ADGRD1: variants seen among roughly 807,000 people sequenced by gnomAD.
The protein encoded by ADGRD1 is adhesion G protein-coupled receptor D1, also known as G-protein coupled receptor 133.
ADGRD1 carries 77 observed loss-of-function variants against 113.4 expected under a neutral mutation model. That is an observed-to-expected ratio of 0.68 (90% CI 0.57 to 0.82). The LOEUF (loss-of-function observed/expected upper bound fraction) is 0.82, where lower values mean the gene tolerates loss of function less well. ADGRD1 is among the 40% of genes least tolerant of loss of function. ADGRD1 has a pLI of 0.00. For missense variants in ADGRD1, 1,036 were observed against 1,139.1 expected, an observed-to-expected ratio of 0.91 and a Z score of 1.30; for synonymous variants, 474 against 475.0, an observed-to-expected ratio of 1.00 and a Z score of 0.03.
intron 8 of ADGRD1, among the ~76,000 whole-genome samples, chr12:130,992,960 G>A (rs1874628695): frequency 6.6e-6 from 1 of 152,198 alleles, no homozygotes; most frequent in African/African-American, 2.4e-5. Flanking sequence ...GCTTATCTTG[G>A]TGGATGCGAA....
At chr12:131,076,953 T>A (rs1885670569) in intron 14 of ADGRD1, 79 bp downstream of exon 14, 2 of 1,141,654 alleles carry the variant, frequency 1.8e-6, no homozygotes, top group African/African-American at 3.1e-5. Flanking sequence ...CAGGGGAGGA[T>A]CTGGGTCACC....
At chr12:131,079,782 G>A (rs893446376) in intron 14 of ADGRD1, among the ~76,000 whole-genome samples, 4 of 152,230 alleles carry the variant, frequency 2.6e-5, no homozygotes, top group South Asian at 2.1e-4. Context: ...GTGGTATTCC[G>A]TTGTTAGCCT....
In ADGRD1 at chr12:131,014,339, T is replaced by C. The variant is rs759576084; in HGVS notation, c.1472T>C (p.Leu491Ser). 6.8e-6 allele frequency: 11 copies of C among 1,611,852 alleles called. No individual in the cohort carries two copies. Residue 491 changes from leucine to serine, a missense_variant and splice_region_variant, in exon 13 of 25, where the codon TTG becomes TCG. Leu to Ser is a moderately radical substitution (Grantham distance 145). Coordinates refer to ENST00000261654, the MANE Select transcript of ADGRD1 (RefSeq NM_198827.5). ...PLITVHLKHRLTRKQHSEATN... is the reference protein window; with the variant it reads ...PLITVHLKHRSTRKQHSEATN... Reference sequence around the variant, plus strand: ...ATTACGGTCCACCTCAAGCACAGATTGGTGAGTGGCGGTGCCTTCACCCTT... The same window carrying C: ...ATTACGGTCCACCTCAAGCACAGATCGGTGAGTGGCGGTGCCTTCACCCTT...
intron 12 of ADGRD1, among the ~76,000 whole-genome samples, chr12:131,013,881 C>T (rs1878230431): frequency 6.6e-6 from 1 of 152,240 alleles, no homozygotes; most frequent in Non-Finnish European, 1.5e-5. Context: ...GGCCATCTTA[C>T]TTTTCTTATA....
At chr12:131,137,243 AT>A in intron 23 of ADGRD1, 1 of 600,292 alleles carries the variant, frequency 1.7e-6, no homozygotes. Context: ...TCCCTGGAGA[AT>A]TGGCGACTGC....
intron 8 of ADGRD1, 55 bp downstream of exon 8, chr12:130,992,447 A>AC: frequency 7.0e-7 from 1 of 1,433,600 alleles, no homozygotes; most frequent in Non-Finnish European, 9.6e-7. Context: ...CCTTACCGGG[A>AC]CCATAGATGT....
chr12:131,037,111 GGCACCGGGCCTCACTCACT>G (rs1257856969), intron 13 of ADGRD1, among the ~76,000 whole-genome samples: 10 of 48,384 alleles, frequency 2.1e-4, no homozygotes, highest in African/African-American at 3.4e-4. Context: ...CCTCACTCAC[GGCACCGGGCCTCACTCACT>G]GCACCGGGCC....
At chr12:130,986,366 TGTATTGTTATAA>T (rs1873678703) in intron 5 of ADGRD1, among the ~76,000 whole-genome samples, 3 of 152,198 alleles carry the variant, frequency 2.0e-5, no homozygotes, top group Non-Finnish European at 4.4e-5. Flanking sequence ...AGCTTATAAA[TGTATTGTTATAA>T]TATATGTATT....
Position 130,982,032 on chromosome 12 carries a change from C to G in ADGRD1, c.459C>G (p.Ser153=), listed in dbSNP as rs148700248. 221 of 1,613,838 alleles carry G rather than the reference C, an allele frequency of 1.4e-4. No individual in the cohort carries two copies. Among genetic ancestry groups the G allele is most frequent in the Middle Eastern group, 9.9e-4 (6 of 6,042 alleles). The part of the protein sequence containing the change: ...GSVELYTRDN[S]MTWEASFSPP... ...TGGAGCTGTATACGCGGGACAATTC[C>G]ATGACATGGGAGGCCTCCTTCAGCC... The change falls in exon 5 of 25, where the codon TCC becomes TCG. Residue 153 remains serine (S), a synonymous_variant. Coordinates refer to ENST00000261654, the MANE Select transcript of ADGRD1 (RefSeq NM_198827.5).
chr12:130,992,046 G>A (rs894032528), intron 7 of ADGRD1, among the ~76,000 whole-genome samples, 191 bp from the exon 8 acceptor site: 1 of 151,376 alleles, frequency 6.6e-6, no homozygotes, highest in Non-Finnish European at 1.5e-5. Flanking sequence ...GCTTGAACCC[G>A]GGAGGCAGAG....
At chr12:131,103,008 G>A (rs1210791444) in intron 15 of ADGRD1, among the ~76,000 whole-genome samples, 2 of 152,234 alleles carry the variant, frequency 1.3e-5, no homozygotes, top group East Asian at 3.9e-4. Context: ...CTCTCCCTGG[G>A]GCATCATGAA....
rs960629328 is a variant in ADGRD1, at chr12:131,000,586, C to T, written c.1026+144C>T. 8 of 561,924 alleles carry T rather than the reference C, an allele frequency of 1.4e-5. No homozygotes were observed. In the African/African-American group the frequency reaches 1.5e-4, roughly 11 times the overall value. 34.8% of individuals were successfully genotyped at this position (561,924 alleles called of 1,614,324 possible). The stretch of plus-strand genomic sequence containing the variant: ...CAAAACCCCATCTCTACTAAAAATA[C>T]AAAAATTAGCCAGGCGTGGTGGCGG... On this transcript the variant is annotated intron_variant, in intron 9 of 24. Coordinates refer to ENST00000261654, the MANE Select transcript of ADGRD1 (RefSeq NM_198827.5).
chr12:130,978,708 T>G (rs1270807761), intron 4 of ADGRD1: 1 of 152,176 alleles, frequency 6.6e-6, no homozygotes, highest in Non-Finnish European at 1.5e-5. Context: ...CCACATGGAA[T>G]TTTTTTATTT....
rs949809202 is a variant in ADGRD1, at chr12:131,104,881, C to T, written c.1722C>T (p.Cys574=). The change falls in exon 16 of 25, where the codon TGC becomes TGT. Residue 574 remains cysteine, a synonymous_variant. Coordinates refer to ENST00000261654, the MANE Select transcript of ADGRD1 (RefSeq NM_198827.5). The part of the protein sequence containing the change: ...VALSSISYVG[C]SLSVLCLVAT... ...TGTCGTCTATCAGCTATGTGGGCTG[C>T]TCCCTCTCCGTGCTCTGCCTGGTGG... 7 of 1,551,320 alleles carry T rather than the reference C, an allele frequency of 4.5e-6. No individual in the cohort carries two copies. In the African/African-American group the frequency reaches 9.6e-5, roughly 21 times the overall value.
At chr12:131,064,970 G>A (rs1884600918) in intron 13 of ADGRD1, among the ~76,000 whole-genome samples, 1 of 152,218 alleles carries the variant, frequency 6.6e-6, no homozygotes, top group African/African-American at 2.4e-5. Flanking sequence ...CTACTGAACA[G>A]GATGAGCAGC....
chr12:131,097,299 A>T (rs916114549), intron 15 of ADGRD1, among the ~76,000 whole-genome samples: 7 of 152,114 alleles, frequency 4.6e-5, no homozygotes, highest in African/African-American at 1.7e-4. Flanking sequence ...GACACTTTCA[A>T]CAAGGTCACT....
chr12:131,012,049 C>T (rs1456843348), intron 12 of ADGRD1, among the ~76,000 whole-genome samples: 3 of 152,176 alleles, frequency 2.0e-5, no homozygotes, highest in Admixed American at 2.0e-4. Flanking sequence ...TGAATGTTCT[C>T]AGACGGTGAA....
At chr12:131,040,953 C>T (rs921858856) in intron 13 of ADGRD1, among the ~76,000 whole-genome samples, 4 of 152,192 alleles carry the variant, frequency 2.6e-5, no homozygotes, top group African/African-American at 7.2e-5. Context: ...CTGAACTTCT[C>T]GCGGTGCAGG....
At chr12:131,047,759 G>A (rs543390603) in intron 13 of ADGRD1, among the ~76,000 whole-genome samples, 1 of 152,316 alleles carries the variant, frequency 6.6e-6, no homozygotes, top group African/African-American at 2.4e-5. Context: ...CTTGGAAGAC[G>A]TGGGTCAGTG....
Sources: gnomAD v4.1 joint callset for allele counts (sites outside exome capture counted in the v4.1 genomes callset) on GRCh38, gnomAD v4.1.1 for gene constraint, MANE v1.5 for transcripts, NCBI Gene and HGNC (gene_info 2026-07-23, HGNC 2026-07-21) for gene names.